The following POLR3A variants were observed in gnomAD, a reference collection of about 807,000 sequenced individuals.
POLR3A encodes DNA-directed RNA polymerase III subunit RPC1.
Under a neutral mutation model 152.8 loss-of-function variants are expected in POLR3A, and 112 were observed. That is an observed-to-expected ratio of 0.73 (90% CI 0.63 to 0.86). POLR3A has a LOEUF of 0.86. Ranked by LOEUF, POLR3A falls within the 40% of genes least tolerant of loss-of-function variation. POLR3A has a pLI of 0.00. For synonymous variants in POLR3A, 615 were observed against 652.1 expected (o/e 0.94, Z 0.87); for missense variants, 1,385 against 1,743.1 (o/e 0.79, Z 3.66).
At chr10:78,009,068 G>A (rs895167632) in intron 14 of POLR3A, among the ~76,000 whole-genome samples, 3 of 144,926 alleles carry the variant, frequency 2.1e-5, no homozygotes, top group African/African-American at 7.8e-5. Context: ...CAGGAGAATC[G>A]CTTGAACCCA....
rs532021381 is a variant in POLR3A at position 78,000,963 on chromosome 10, T to C, written c.2478+13A>G. 14 of 1,316,728 alleles carry C rather than the reference T, an allele frequency of 1.1e-5. No individual in the cohort carries two copies. The highest frequency in any genetic ancestry group is 1.5e-5 in the Non-Finnish European group (14 of 914,800). The allele number at this position is 1,316,728 out of a possible 1,614,324, so 81.6% of individuals were successfully genotyped here. ...GAGATCTTCACAGTTCTACCTGATCTGCTACTGCTTACCTTTGAGTGTTTT... is the reference window on the plus strand; with the variant it reads ...GAGATCTTCACAGTTCTACCTGATCCGCTACTGCTTACCTTTGAGTGTTTT... On this transcript the variant is annotated intron_variant, in intron 18 of 30. Coordinates refer to ENST00000372371, the MANE Select transcript of POLR3A (RefSeq NM_007055.4).
intron 10 of POLR3A, among the ~76,000 whole-genome samples, chr10:78,016,872 CA>C (rs201996598): frequency 0.14 from 11,524 of 79,584 alleles, 420 homozygotes; most frequent in African/African-American, 0.22. Context: ...AGACTGTCTC[CA>C]AAAAAAAAAA....
At chr10:78,025,280 G>A (rs1253492602) in intron 3 of POLR3A, 138 bp from the exon 4 acceptor site, 1 of 878,498 alleles carries the variant, frequency 1.1e-6, no homozygotes, top group African/African-American at 1.7e-5. Flanking sequence ...CTATACTATG[G>A]ATATGCAGAG....
rs992381641 is a variant in POLR3A at position 77,977,505 on chromosome 10, A to G, written c.4146T>C (p.Asn1382=). 6.2e-7 allele frequency: 1 copy of G among 1,614,008 alleles called. No individual in the cohort carries two copies. Among genetic ancestry groups the G allele is most frequent in the Non-Finnish European group, 8.5e-7 (1 of 1,180,000 alleles). ...PPKRPLIFDT[N]EFHIPLVT ...ATGTGACAAGGGGGATGTGGAATTC[A>G]TTTGTGTCGAAGATCAGGGGCCTCT... The change falls in exon 31 of 31, where the codon AAT becomes AAC. Residue 1382 remains asparagine (N), a synonymous_variant. Coordinates refer to ENST00000372371, the MANE Select transcript of POLR3A (RefSeq NM_007055.4).
intron 20 of POLR3A, 112 bp from the exon 21 acceptor site, chr10:77,991,279 C>T (rs1433163809): frequency 1.4e-6 from 1 of 714,052 alleles, no homozygotes; most frequent in Non-Finnish European, 2.6e-6. Flanking sequence ...GAGCTTTTAG[C>T]AACCTGTGAT....
At chr10:77,992,580 T>A (rs1427795740) in intron 20 of POLR3A, among the ~76,000 whole-genome samples, 3 of 151,906 alleles carry the variant, frequency 2.0e-5, no homozygotes, top group African/African-American at 7.3e-5. Flanking sequence ...GTAGCTGGGA[T>A]TATAGGCACG....
chr10:78,008,793 T>C (rs1004032647), intron 14 of POLR3A, among the ~76,000 whole-genome samples: 1 of 150,696 alleles, frequency 6.6e-6, no homozygotes, highest in Admixed American at 6.6e-5. Context: ...GACGATTGCT[T>C]GAGCCTAGGA....
Position 77,977,363 on chromosome 10 carries a change from G to T in POLR3A, c.*115C>A. On this transcript the variant is annotated 3_prime_UTR_variant, in exon 31 of 31. Coordinates refer to ENST00000372371, the MANE Select transcript of POLR3A (RefSeq NM_007055.4). ...GGATGCCAAGAGGGCTTCTCTGATT[G>T]CTGGCATAGGTGGGGACCTCAGGAC... is the stretch of plus-strand genomic sequence containing the variant. 1 of 1,041,020 alleles carries T rather than the reference G, an allele frequency of 9.6e-7. No individual in the cohort carries two copies. The highest frequency in any genetic ancestry group is 1.5e-6 in the Non-Finnish European group (1 of 661,090). The allele number at this position is 1,041,020 out of a possible 1,614,324, so 64.5% of individuals were successfully genotyped here. A position where few individuals can be genotyped will look rare whatever the true frequency, so the allele number is the denominator to read the frequency against.
rs1847215665 is a variant in POLR3A, at chr10:77,988,228, A to G, written c.2902-2069T>C. Among the ~76,000 whole-genome samples, 8 of 152,286 alleles carry G rather than the reference A, an allele frequency of 5.3e-5. No individual in the cohort carries two copies. In the South Asian group the frequency reaches 1.7e-3, roughly 32 times the overall value. On this transcript the variant is annotated intron_variant, in intron 21 of 30. Transcript: ENST00000372371. ...CTACATAGAAAGGGCTTTTTATTTA[A>G]GAAGTTTTACCAGCTGGGTGCGGTA... is the stretch of plus-strand genomic sequence containing the variant.
In POLR3A at chr10:78,007,794, T is replaced by C. The variant is rs758025995; in HGVS notation, c.1982A>G (p.Asn661Ser). 3.1e-6 allele frequency: 5 copies of C among 1,613,884 alleles called. No individual in the cohort carries two copies. The highest frequency in any genetic ancestry group is 1.1e-5 in the South Asian group (1 of 91,078). ...DKGTLGSGSK[N>S]NIFYILLRDW... is the part of the protein sequence containing the mutation. ...TCGCAGCAAAATGTAAAAAATATTG[T>C]TCTTGGATCCTGACCCTAGGGTTCC... The change falls in exon 15 of 31, where the codon AAC becomes AGC. Residue 661 changes from asparagine (N) to serine (S), a missense_variant. Asn to Ser is a conservative substitution (Grantham distance 46). This residue lies in a region of POLR3A where 188 missense variants were observed against 179.9 expected (regional missense o/e 1.04). Coordinates refer to ENST00000372371, the MANE Select transcript of POLR3A (RefSeq NM_007055.4).
chr10:77,996,856 C>A (rs1048415329), intron 19 of POLR3A, among the ~76,000 whole-genome samples: 3 of 152,152 alleles, frequency 2.0e-5, no homozygotes, highest in Admixed American at 6.5e-5. Context: ...AGAGACACAA[C>A]CAAAAAAGAG....
intron 15 of POLR3A, 80 bp downstream of exon 15, chr10:78,007,622 G>T: frequency 7.9e-7 from 1 of 1,260,206 alleles, no homozygotes; most frequent in Non-Finnish European, 1.2e-6. Flanking sequence ...TGAAATGGCA[G>T]TAAAAGAACA....
chr10:78,025,129 G>A lies in POLR3A; in HGVS notation c.332C>T (p.Thr111Ile), dbSNP rs146683935. 2 of 1,614,056 alleles carry A rather than the reference G, an allele frequency of 1.2e-6. No individual in the cohort carries two copies. The highest frequency in any genetic ancestry group is 1.3e-5 in the African/African-American group (1 of 74,926). Residue 111 changes from threonine to isoleucine, a missense_variant, in exon 4 of 31, where the codon ACC (threonine) becomes ATC (isoleucine). Around this residue, in one of 7 missense-constraint regions of POLR3A, gnomAD observed 493 missense variants for 647.5 expected, o/e 0.76. Coordinates refer to ENST00000372371, the MANE Select transcript of POLR3A (RefSeq NM_007055.4). ...TTGGGACAGCATGATGTGGCAGCAGGTTTTGCAGATCATCTTTTTCAAATT... is the reference window on the plus strand; with the variant it reads ...TTGGGACAGCATGATGTGGCAGCAGATTTTGCAGATCATCTTTTTCAAATT... ...VIGILQMICK[T>I]CCHIMLSQEE...
intron 8 of POLR3A, among the ~76,000 whole-genome samples, chr10:78,021,204 T>C (rs1361488212): frequency 6.6e-6 from 1 of 152,228 alleles, no homozygotes; most frequent in African/African-American, 2.4e-5. Context: ...CGGGCTCGGA[T>C]GATCCACCTG....
At chr10:78,012,770 G>A (rs540463960) in intron 11 of POLR3A, among the ~76,000 whole-genome samples, 1 of 151,846 alleles carries the variant, frequency 6.6e-6, no homozygotes, top group African/African-American at 2.4e-5. Flanking sequence ...TGCCCAGGCT[G>A]AACTGCAGTG....
rs770117239 is a variant in POLR3A at position 78,010,003 on chromosome 10, G to C, written c.1643-12C>G. 1 of 1,613,780 alleles carries C rather than the reference G, an allele frequency of 6.2e-7. No homozygotes were observed. ...GAGGAGATAGGCACCTAAGCATTAG[G>C]AACCAACACAAAACAAAGAAAAGGA... is the stretch of plus-strand genomic sequence containing the variant. On this transcript the variant is annotated splice_polypyrimidine_tract_variant and intron_variant, in intron 12 of 30. Coordinates refer to ENST00000372371, the MANE Select transcript of POLR3A (RefSeq NM_007055.4).
chr10:77,994,956 G>T lies in POLR3A; in HGVS notation c.2617-1589C>A, dbSNP rs544434084. On this transcript the variant is annotated intron_variant, in intron 19 of 30. Coordinates refer to ENST00000372371, the MANE Select transcript of POLR3A (RefSeq NM_007055.4). ...AAGGGAAGCCCATCAGACTAACAGC[G>T]GATCTCTCGGCAGAAACTCTACAAG... Among the ~76,000 whole-genome samples, 258 of 152,188 alleles carry T rather than the reference G, an allele frequency of 1.7e-3. 1 individual carries two copies. Among genetic ancestry groups the T allele is most frequent in the African/African-American group, 5.3e-3 (222 of 41,528 alleles).
chr10:78,026,165 C>A lies in POLR3A; in HGVS notation c.109G>T (p.Val37Leu), dbSNP rs1285455248. The part of the protein sequence containing the change: ...EMRQQAHIQV[V>L]SKNLYSQDNQ... ...TCCTGGCTGTACAGGTTCTTACTCA[C>A]AACTTGGATGTGCGCCTGCTGGCGC... is the stretch of plus-strand genomic sequence containing the variant. Residue 37 changes from valine (V) to leucine (L), a missense_variant, in exon 2 of 31, where the codon GTG becomes TTG. Around this residue, in one of 7 missense-constraint regions of POLR3A, gnomAD observed 493 missense variants for 647.5 expected, o/e 0.76. Coordinates refer to ENST00000372371, the MANE Select transcript of POLR3A (RefSeq NM_007055.4). 6.2e-7 allele frequency: 1 copy of A among 1,614,224 alleles called. No individual in the cohort carries two copies. The highest frequency in any genetic ancestry group is 8.5e-7 in the Non-Finnish European group (1 of 1,180,040).
At chr10:78,007,610 G>T in intron 15 of POLR3A, 92 bp downstream of exon 15, 1 of 1,034,066 alleles carries the variant, frequency 9.7e-7, no homozygotes, top group Non-Finnish European at 1.5e-6. Flanking sequence ...GTGTGGTGGG[G>T]ATGAAATGGC....
Sources: gnomAD v4.1 joint callset for allele counts (sites outside exome capture counted in the v4.1 genomes callset) on GRCh38, gnomAD v4.1.1 for gene constraint, gnomAD v4.1.1 regional missense constraint, MANE v1.5 for transcripts, NCBI Gene and HGNC (gene_info 2026-07-23, HGNC 2026-07-21) for gene names.